The following ACTN4 variants were observed in gnomAD, a reference collection of about 807,000 sequenced individuals.
The protein encoded by ACTN4 is actinin alpha 4, also known as alpha-actinin-4.
In ACTN4, 18 loss-of-function variants were observed where a neutral mutation model predicts 114.2. The ratio of observed to expected loss-of-function variants is 0.16; its 90% CI spans 0.11 to 0.23. The LOEUF (loss-of-function observed/expected upper bound fraction) is 0.23, where lower values mean the gene tolerates loss of function less well. Among genes scored for constraint, ACTN4 ranks in the 10% least tolerant of loss-of-function variants. ACTN4 has a pLI of 1.00. For missense variants in ACTN4, 722 were observed against 1,262.9 expected (o/e 0.57, Z 6.49); for synonymous variants, 515 against 506.3 (o/e 1.02, Z -0.23).
intron 1 of ACTN4, among the ~76,000 whole-genome samples, chr19:38,679,568 C>CGTGTGTGT (rs10583743): frequency 0.063 from 9,154 of 145,400 alleles, 344 homozygotes; most frequent in South Asian, 0.075. Flanking sequence ...TTTGGGTGTG[C>CGTGTGTGT]GTGTGTGTGT....
intron 1 of ACTN4, among the ~76,000 whole-genome samples, chr19:38,663,556 A>C (rs966071338): frequency 6.6e-6 from 1 of 152,166 alleles, no homozygotes; most frequent in Non-Finnish European, 1.5e-5. Flanking sequence ...AAACTTTCAT[A>C]AAGGAGGTGA....
At position 38,699,051 on chromosome 19, in the gene ACTN4, G is replaced by A. The variant is rs749700; in HGVS notation, c.163-1549G>A. Among the ~76,000 whole-genome samples the A allele has an allele frequency of 9.9e-3, 1,503 of 152,334 alleles. 19 individuals are homozygous for A. Among genetic ancestry groups the A allele is most frequent in the Middle Eastern group, 0.051 (15 of 294 alleles). On this transcript the variant is annotated intron_variant, in intron 1 of 20. Transcript: ENST00000252699. ...TTCTACACTGGCCCCTGCAGATGGAGGGGGTGGGGTACAGGGGTTCCTATA... is the reference window on the plus strand; with the variant it reads ...TTCTACACTGGCCCCTGCAGATGGAAGGGGTGGGGTACAGGGGTTCCTATA...
intron 12 of ACTN4, chr19:38,721,980 C>G: frequency 2.1e-6 from 1 of 480,580 alleles, no homozygotes; most frequent in Non-Finnish European, 3.8e-6. Flanking sequence ...GGGGGTGTCA[C>G]CTCTCCTGGC....
intron 1 of ACTN4, among the ~76,000 whole-genome samples, chr19:38,649,121 C>T (rs143072521): frequency 0.031 from 3,563 of 116,212 alleles, 75 homozygotes; most frequent in Admixed American, 0.098. Context: ...TTTGGAGAGA[C>T]CGGAGGTAGG....
intron 1 of ACTN4, among the ~76,000 whole-genome samples, chr19:38,696,915 G>C (rs909634404): frequency 6.6e-6 from 1 of 152,218 alleles, no homozygotes; most frequent in Non-Finnish European, 1.5e-5. Context: ...AGTTACCATT[G>C]CTTTCAGAGC....
At chr19:38,679,429 A>T (rs1331869915) in intron 1 of ACTN4, among the ~76,000 whole-genome samples, 1 of 152,090 alleles carries the variant, frequency 6.6e-6, no homozygotes, top group African/African-American at 2.4e-5. Flanking sequence ...CACAGACCAT[A>T]TGCAAAAGTG....
intron 19 of ACTN4, chr19:38,728,391 T>G: frequency 7.4e-7 from 1 of 1,345,170 alleles, no homozygotes; most frequent in Non-Finnish European, 9.8e-7. Flanking sequence ...GGTATGCAGC[T>G]CTGTCTCCCC....
chr19:38,647,811 T>A lies in ACTN4; in HGVS notation c.66T>A (p.Ala22=). Residue 22 remains alanine (A), a synonymous_variant, in exon 1 of 21, where the codon GCT becomes GCA. Coordinates refer to ENST00000252699, the MANE Select transcript of ACTN4 (RefSeq NM_004924.6). ...QYGPSSAGNG[A]GGGGSMGDYM... ...GCCCCAGCAGCGCGGGCAATGGCGC[T>A]GGCGGCGGGGGCAGCATGGGCGACT... 2 of 1,553,522 alleles carry A rather than the reference T, an allele frequency of 1.3e-6. No individual in the cohort carries two copies. The highest frequency in any genetic ancestry group is 1.7e-6 in the Non-Finnish European group (2 of 1,151,212).
chr19:38,681,094 C>G (rs556787176), intron 1 of ACTN4, among the ~76,000 whole-genome samples: 2 of 126,736 alleles, frequency 1.6e-5, no homozygotes, highest in East Asian at 5.0e-4. Context: ...CCACTGTACT[C>G]TAGCCTGGGT....
intron 9 of ACTN4, 125 bp downstream of exon 9, chr19:38,714,686 A>G: frequency 9.9e-7 from 1 of 1,010,564 alleles, no homozygotes; most frequent in Non-Finnish European, 1.5e-6. Context: ...GTGGTCACAG[A>G]CCATGGCATT....
At chr19:38,726,376 A>G (rs1969233406) in intron 17 of ACTN4, among the ~76,000 whole-genome samples, 1 of 152,066 alleles carries the variant, frequency 6.6e-6, no homozygotes, top group Non-Finnish European at 1.5e-5. Flanking sequence ...TGCTCTCATC[A>G]CCATGACAAT....
At chr19:38,669,515 GC>G (rs1967068282) in intron 1 of ACTN4, among the ~76,000 whole-genome samples, 1 of 152,206 alleles carries the variant, frequency 6.6e-6, no homozygotes, top group African/African-American at 2.4e-5. Flanking sequence ...GAAGCTGCAA[GC>G]ATGCTGTTTT....
chr19:38,678,801 T>G (rs1967459120), intron 1 of ACTN4, among the ~76,000 whole-genome samples: 1 of 152,176 alleles, frequency 6.6e-6, no homozygotes, highest in African/African-American at 2.4e-5. Flanking sequence ...CCCTGGGACC[T>G]CGCTCTGTTC....
At chr19:38,668,635 G>A (rs1160200340) in intron 1 of ACTN4, among the ~76,000 whole-genome samples, 5 of 152,122 alleles carry the variant, frequency 3.3e-5, no homozygotes, top group Non-Finnish European at 7.4e-5. Context: ...GCAGTGAGCC[G>A]AGGTCGTGCC....
rs747589614 is a variant in ACTN4, at chr19:38,714,613, G to A, written c.912+52G>A. 25 of 1,576,348 alleles carry A rather than the reference G, an allele frequency of 1.6e-5. No individual in the cohort carries two copies. In the East Asian group the frequency reaches 5.6e-4, roughly 35 times the overall value. On this transcript the variant is annotated intron_variant, in intron 9 of 20. Coordinates refer to ENST00000252699, the MANE Select transcript of ACTN4 (RefSeq NM_004924.6). ...GGCCACCTCATTATCCTCAGCCAGA[G>A]GTCACTGTGACTCTTGCAGGGGGAA...
intron 3 of ACTN4, 70 bp from the exon 4 acceptor site, chr19:38,704,864 C>T: frequency 2.1e-6 from 3 of 1,442,540 alleles, no homozygotes; most frequent in Non-Finnish European, 2.9e-6. Context: ...AGGCCACCTT[C>T]AGGTTGGGCG....
chr19:38,711,223 G>A, intron 8 of ACTN4: 6 of 931,400 alleles, frequency 6.4e-6, no homozygotes, highest in Non-Finnish European at 7.7e-6. Context: ...CGCCCTCCCT[G>A]CGTCTTTCAC....
chr19:38,709,620 G>C, intron 7 of ACTN4, 144 bp downstream of exon 7: 1 of 757,902 alleles, frequency 1.3e-6, no homozygotes, highest in East Asian at 2.7e-5. Context: ...AGGGCTGAAT[G>C]ATTCTGGGTG....
Position 38,720,261 on chromosome 19 carries a change from C to T in ACTN4, c.1292-1277C>T, listed in dbSNP as rs112181705. Among the ~76,000 whole-genome samples the T allele has an allele frequency of 3.9e-3, 600 of 152,304 alleles. 5 individuals are homozygous for T. The highest frequency in any genetic ancestry group is 0.014 in the African/African-American group (562 of 41,554). On this transcript the variant is annotated intron_variant, in intron 11 of 20. Coordinates refer to ENST00000252699, the MANE Select transcript of ACTN4 (RefSeq NM_004924.6). ...GATTTCCTGGGAATACGACCAACCC[C>T]GAACGACCCCTTGTCCCCACTCCAG...
Sources: gnomAD v4.1 joint callset for allele counts (sites outside exome capture counted in the v4.1 genomes callset) on GRCh38, gnomAD v4.1.1 for gene constraint, MANE v1.5 for transcripts, NCBI Gene and HGNC (gene_info 2026-07-23, HGNC 2026-07-21) for gene names.